The following SLC7A5 variants were observed in gnomAD, a reference collection of about 807,000 sequenced individuals.
SLC7A5 encodes solute carrier family 7 member 5.
Under a neutral mutation model 50.2 loss-of-function variants are expected in SLC7A5, and 23 were observed. That is an observed-to-expected ratio of 0.46 (90% CI 0.33 to 0.65). SLC7A5 has a LOEUF of 0.65. SLC7A5 is among the 30% of genes least tolerant of loss of function. The probability of loss-of-function intolerance (pLI) is 0.02; values close to 1 mark genes in which losing one functional copy is unlikely to be tolerated. For missense variants in SLC7A5, 578 were observed against 684.4 expected (o/e 0.84, Z 1.73); for synonymous variants, 393 against 330.6 (o/e 1.19, Z -2.05).
chr16:87,862,302 C>A lies in SLC7A5; in HGVS notation c.538+6583G>T, dbSNP rs2055409206. Among the ~76,000 whole-genome samples, 1 of 152,110 alleles carries A rather than the reference C, an allele frequency of 6.6e-6. No homozygotes were observed. Among genetic ancestry groups the A allele is most frequent in the African/African-American group, 2.4e-5 (1 of 41,404 alleles). ...ACCCTGGGGCAAAACACACACAGGC[C>A]CCCTCTGCTCTCTGGTCACTGCTAA... On this transcript the variant is annotated intron_variant, in intron 1 of 9. Coordinates refer to ENST00000261622, the MANE Select transcript of SLC7A5 (RefSeq NM_003486.7). The surrounding 1 kb of genome is among the most constrained non-coding windows in gnomAD (Gnocchi z 5.3).
At chr16:87,849,426 A>G (rs1157695300) in intron 2 of SLC7A5, among the ~76,000 whole-genome samples, 6 of 152,244 alleles carry the variant, frequency 3.9e-5, no homozygotes, top group Non-Finnish European at 8.8e-5. Context: ...GACGCTTTCA[A>G]CAGCTAACGG....
rs764140953 is a variant in SLC7A5, at chr16:87,836,567, G to A, written c.1221C>T (p.Cys407=). ...INFFSFFNWL[C]VALAIIGMIW... ...TCATGCCGATGATGGCCAGGGCCAC[G>A]CAGAGCCAGTTGAAGAAGCTGAAGA... The change falls in exon 8 of 10, where the codon TGC becomes TGT. Residue 407 remains cysteine (C), a synonymous_variant. Coordinates refer to ENST00000261622, the MANE Select transcript of SLC7A5 (RefSeq NM_003486.7). 1.7e-5 allele frequency: 28 copies of A among 1,613,538 alleles called. No individual in the cohort carries two copies. The East Asian group carries it at 4.9e-4, about 28-fold the overall frequency.
Position 87,860,390 on chromosome 16 carries a change from ACACACACAC to A in SLC7A5, c.538+8486_538+8494del, listed in dbSNP as rs1197853399. 5.3e-4 allele frequency among the ~76,000 whole-genome samples: 70 copies of A among 131,924 alleles called. 1 individual carries two copies. The highest frequency in any genetic ancestry group is 1.0e-3 in the Non-Finnish European group (60 of 59,674). 86.5% of individuals were successfully genotyped at this position (131,924 alleles called of 152,430 possible). On this transcript the variant is annotated intron_variant, in intron 1 of 9. Transcript: ENST00000261622. This position sits in a 1 kb window ranked among gnomAD's most constrained non-coding sequence, Gnocchi z 4.8. ...CACACACACACACACACACACACAC[ACACACACAC>A]ATATATATATAAAGAAAAAGGAAAT... is the stretch of plus-strand genomic sequence containing the variant.
In SLC7A5 at chr16:87,869,249, G is replaced by A. The variant is rs2055501609; in HGVS notation, c.174C>T (p.Ile58=). 5.6e-6 allele frequency: 9 copies of A among 1,612,704 alleles called. No homozygotes were observed. Among genetic ancestry groups the A allele is most frequent in the Non-Finnish European group, 7.6e-6 (9 of 1,179,862 alleles). Residue 58 remains isoleucine, a synonymous_variant, in exon 1 of 10, where the codon ATC becomes ATT. Transcript: ENST00000261622. ...RNITLLNGVA[I]IVGTIIGSGI... ...CCGAGCCGATAATGGTCCCCACGAT[G>A]ATGGCCACGCCGTTGAGCAGCGTGA...
chr16:87,862,997 G>A lies in SLC7A5; in HGVS notation c.538+5888C>T, dbSNP rs1016241367. Among the ~76,000 whole-genome samples, 5 of 152,182 alleles carry A rather than the reference G, an allele frequency of 3.3e-5. No homozygotes were observed. The highest frequency in any genetic ancestry group is 4.2e-4 in the South Asian group (2 of 4,818). On this transcript the variant is annotated intron_variant, in intron 1 of 9. Coordinates refer to ENST00000261622, the MANE Select transcript of SLC7A5 (RefSeq NM_003486.7). This position sits in a 1 kb window ranked among gnomAD's most constrained non-coding sequence, Gnocchi z 5.3. ...CCAGAGTCCCGCGAGACCGACGGACGGCCTGCCCCTGCGTGACGGCACGCC... is the reference window on the plus strand; with the variant it reads ...CCAGAGTCCCGCGAGACCGACGGACAGCCTGCCCCTGCGTGACGGCACGCC...
intron 1 of SLC7A5, among the ~76,000 whole-genome samples, chr16:87,859,514 C>T (rs2143817792): frequency 6.6e-6 from 1 of 152,312 alleles, no homozygotes; most frequent in South Asian, 2.1e-4. Context: ...GGGACCCCTC[C>T]TATTGCCAAA....
chr16:87,867,438 C>G (rs1463504417), intron 1 of SLC7A5, among the ~76,000 whole-genome samples: 1 of 152,210 alleles, frequency 6.6e-6, no homozygotes, highest in Admixed American at 6.5e-5. Flanking sequence ...ACGATTTTTC[C>G]CGGCTTTGAC....
chr16:87,834,787 G>A (rs2054977533), intron 8 of SLC7A5, 196 bp from the exon 9 acceptor site: 1 of 632,364 alleles, frequency 1.6e-6, no homozygotes, highest in South Asian at 1.8e-5. Flanking sequence ...TGCTGGGCAT[G>A]TTGCCAGGGG....
chr16:87,854,647 G>A (rs770007777), intron 1 of SLC7A5, among the ~76,000 whole-genome samples: 1 of 152,260 alleles, frequency 6.6e-6, no homozygotes, highest in South Asian at 2.1e-4. Flanking sequence ...CCCCAGATAA[G>A]TGTGGCCGCG....
At chr16:87,857,486 T>C (rs537757137) in intron 1 of SLC7A5, among the ~76,000 whole-genome samples, 64 of 152,372 alleles carry the variant, frequency 4.2e-4, no homozygotes, top group African/African-American at 1.5e-3. Context: ...GTTCACCATG[T>C]TGGCCGGGCT....
At chr16:87,840,598 A>G (rs2055071331) in intron 3 of SLC7A5, 125 bp from the exon 4 acceptor site, 6 of 822,940 alleles carry the variant, frequency 7.3e-6, no homozygotes, top group Non-Finnish European at 1.3e-5. Context: ...TGGGCTGGAA[A>G]GCGGACCTGG....
intron 7 of SLC7A5, chr16:87,837,400 C>CT (rs2055020600): frequency 4.9e-6 from 1 of 202,644 alleles, no homozygotes; most frequent in Admixed American, 5.3e-5. Context: ...ATAATAAGTG[C>CT]TTTTCCTTTT....
At chr16:87,836,773 A>G (rs16943320) in intron 7 of SLC7A5, 126 bp from the exon 8 acceptor site, 249,907 of 890,950 alleles carry the variant, frequency 0.28, 34,562 homozygotes, top group South Asian at 0.4. Context: ...TTTGTTTTAA[A>G]GGAGAAACCT....
rs61164920 is a variant in SLC7A5 at position 87,852,638 on chromosome 16, CTGTGTGTGTGTGTGTGTG to C, written c.539-807_539-790del. On this transcript the variant is annotated intron_variant, in intron 1 of 9. Coordinates refer to ENST00000261622, the MANE Select transcript of SLC7A5 (RefSeq NM_003486.7). This position sits in a 1 kb window ranked among gnomAD's most constrained non-coding sequence, Gnocchi z 4.5. Reference sequence around the variant, plus strand: ...CTGTAAGGCACCCAGCTCTGAGCCTCTGTGTGTGTGTGTGTGTGTGTGTGTGTGTGTGTGTGTGTGTGT... The same window carrying C: ...CTGTAAGGCACCCAGCTCTGAGCCTCTGTGTGTGTGTGTGTGTGTGTGTGT... Among the ~76,000 whole-genome samples, 28 of 116,852 alleles carry C rather than the reference CTGTGTGTGTGTGTGTGTG, an allele frequency of 2.4e-4. No individual in the cohort carries two copies. The highest frequency in any genetic ancestry group is 6.2e-4 in the African/African-American group (19 of 30,702). 76.7% of individuals were successfully genotyped at this position (116,852 alleles called of 152,430 possible). A position where few individuals can be genotyped will look rare whatever the true frequency, so the allele number is the denominator to read the frequency against.
chr16:87,850,657 G>A (rs1202183429), intron 2 of SLC7A5, among the ~76,000 whole-genome samples: 1 of 152,220 alleles, frequency 6.6e-6, no homozygotes, highest in African/African-American at 2.4e-5. Context: ...GACAAACTCA[G>A]AAGGAACTGC....
Position 87,833,285 on chromosome 16 carries a change from A to T in SLC7A5, c.1469-260T>A, listed in dbSNP as rs866384047. On this transcript the variant is annotated intron_variant, in intron 9 of 9. Coordinates refer to ENST00000261622, the MANE Select transcript of SLC7A5 (RefSeq NM_003486.7). This position sits in a 1 kb window ranked among gnomAD's most constrained non-coding sequence, Gnocchi z 6.0. ...GCCTGCTTCAGAACCCTGGGGAGGC[A>T]GAGTGCGGCCCCTGGGGCACACGAA... 1.1e-4 allele frequency among the ~76,000 whole-genome samples: 17 copies of T among 152,358 alleles called. No individual in the cohort carries two copies. Among genetic ancestry groups the T allele is most frequent in the African/African-American group, 3.8e-4 (16 of 41,592 alleles).
chr16:87,836,906 A>C, intron 7 of SLC7A5: 4 of 485,028 alleles, frequency 8.2e-6, no homozygotes, highest in Non-Finnish European at 1.1e-5. Context: ...GAGAGGAGGA[A>C]ATGGAGACCA....
At chr16:87,854,841 G>C (rs1326218582) in intron 1 of SLC7A5, among the ~76,000 whole-genome samples, 3 of 152,224 alleles carry the variant, frequency 2.0e-5, no homozygotes, top group Non-Finnish European at 4.4e-5. Flanking sequence ...GGCTCCAGAG[G>C]AGCTGGGGTG....
In SLC7A5 at chr16:87,836,602, C is replaced by T. The variant is rs149119495; in HGVS notation, c.1186G>A (p.Val396Ile). The T allele has an allele frequency of 1.1e-4, 182 of 1,613,614 alleles. No homozygotes were observed. The highest frequency in any genetic ancestry group is 1.0e-3 in the African/African-American group (75 of 75,070). ...TTGAAGAAGCTGAAGAAGTTGATGA[C>T]GGAGAAGATGTCCTTGGAGAAGGCG... ...LYAFSKDIFS[V>I]INFFSFFNWL... Residue 396 changes from valine (V) to isoleucine (I), a missense_variant, in exon 8 of 10, where the codon GTC becomes ATC. Val to Ile is a conservative substitution (Grantham distance 29). Coordinates refer to ENST00000261622, the MANE Select transcript of SLC7A5 (RefSeq NM_003486.7).
Sources: allele counts gnomAD v4.1 joint callset (sites outside exome capture counted in the v4.1 genomes callset), GRCh38; gene constraint gnomAD v4.1.1; non-coding constraint Gnocchi (gnomAD v3.1); transcripts MANE v1.5; gene names NCBI Gene and HGNC (gene_info 2026-07-23, HGNC 2026-07-21).